The following STK3 variants were observed in gnomAD, a reference collection of about 807,000 sequenced individuals.
The protein encoded by STK3 is serine/threonine-protein kinase 3.
Under a neutral mutation model 58.0 loss-of-function variants are expected in STK3, and 41 were observed. The observed-to-expected ratio is 0.71, with a 90% CI of 0.55 to 0.92. STK3 has a LOEUF of 0.92. Ranked by LOEUF, STK3 falls within the 40% of genes least tolerant of loss-of-function variation. The probability of loss-of-function intolerance (pLI) is 0.00; values close to 1 mark genes in which losing one functional copy is unlikely to be tolerated. For synonymous variants in STK3, 170 were observed against 191.0 expected, an observed-to-expected ratio of 0.89 and a Z score of 0.91; for missense variants, 479 against 602.7, an observed-to-expected ratio of 0.79 and a Z score of 2.15.
chr8:98,530,801 A>G (rs1180849272), intron 9 of STK3, among the ~76,000 whole-genome samples: 1 of 152,192 alleles, frequency 6.6e-6, no homozygotes, highest in Non-Finnish European at 1.5e-5. Flanking sequence ...GTTTATGGAA[A>G]ATTCTAAGTC....
downstream of STK3, among the ~76,000 whole-genome samples, chr8:98,397,455 G>A (rs1817906070): frequency 6.6e-6 from 1 of 152,110 alleles, no homozygotes; most frequent in African/African-American, 2.4e-5. Flanking sequence ...AGGATCACTT[G>A]AGCCCAGGAG....
downstream of STK3, among the ~76,000 whole-genome samples, chr8:98,366,398 T>C (rs566339921): frequency 2.2e-4 from 34 of 152,362 alleles, no homozygotes; most frequent in Non-Finnish European, 3.8e-4. Flanking sequence ...TGTTTTTTAC[T>C]TTTCCAGAAG....
chr8:98,355,473 C>A, the STK3 span, among the ~76,000 whole-genome samples: 16 of 152,164 alleles, frequency 1.1e-4, 1 homozygote, highest in Admixed American at 1.0e-3. Context: ...TTCCTCTGAT[C>A]CAATAAACTG....
chr8:98,373,771 C>A (rs1181235922), intron 2 of STK3, among the ~76,000 whole-genome samples: 1 of 152,204 alleles, frequency 6.6e-6, no homozygotes, highest in Non-Finnish European at 1.5e-5. Context: ...ATAACTTATC[C>A]TGTCATCCTT....
At chr8:98,744,090 G>A (rs1229989719) in intron 4 of STK3, among the ~76,000 whole-genome samples, 1 of 152,096 alleles carries the variant, frequency 6.6e-6, no homozygotes, top group Non-Finnish European at 1.5e-5. Context: ...AACAGGTGCT[G>A]GAGAGGATGT....
chr8:98,635,535 C>A (rs925364454), intron 6 of STK3, among the ~76,000 whole-genome samples: 2 of 152,142 alleles, frequency 1.3e-5, no homozygotes, highest in African/African-American at 4.8e-5. Context: ...TCAAGTTATA[C>A]TACCTCTTTT....
At chr8:98,534,506 T>C (rs1190511159) in intron 9 of STK3, among the ~76,000 whole-genome samples, 1 of 152,110 alleles carries the variant, frequency 6.6e-6, no homozygotes, top group Non-Finnish European at 1.5e-5. Context: ...GAAGAGAAGG[T>C]GTAATATTTC....
chr8:98,685,402 CA>C (rs906937815), intron 6 of STK3, among the ~76,000 whole-genome samples: 1 of 152,166 alleles, frequency 6.6e-6, no homozygotes, highest in African/African-American at 2.4e-5. Flanking sequence ...GTGTAAGTAT[CA>C]GGGGTGACCC....
chr8:98,587,515 A>C (rs1247503301), intron 7 of STK3, among the ~76,000 whole-genome samples: 5 of 152,064 alleles, frequency 3.3e-5, no homozygotes, highest in Non-Finnish European at 7.4e-5. Flanking sequence ...GATTTACTTC[A>C]AAGTATGTGG....
downstream of STK3, chr8:98,883,750 G>GTA: frequency 1.4e-6 from 1 of 702,846 alleles, no homozygotes; most frequent in Non-Finnish European, 2.6e-6. Flanking sequence ...TCCATGAGTT[G>GTA]TAACATTTCC....
intron 1 of STK3, among the ~76,000 whole-genome samples, chr8:98,810,708 T>C (rs947516208): frequency 1.3e-5 from 2 of 152,202 alleles, no homozygotes; most frequent in African/African-American, 4.8e-5. Context: ...TAATTGGTGA[T>C]ATAGTTTGCA....
chr8:98,686,182 A>C (rs1373242361), intron 6 of STK3, among the ~76,000 whole-genome samples: 1 of 152,154 alleles, frequency 6.6e-6, no homozygotes, highest in Non-Finnish European at 1.5e-5. Context: ...CTAACAGCTC[A>C]AGTGGTACCT....
rs7825755 is a variant in STK3 at position 98,649,542 on chromosome 8, C to T, written c.685-53373G>A. ...TTTTCTTTCAGATGAACAGATAATT[C>T]CAAATGCATGATTATCATTTTCCCA... On this transcript the variant is annotated intron_variant, in intron 6 of 10. Coordinates refer to ENST00000419617, the MANE Select transcript of STK3 (RefSeq NM_006281.4). Among the ~76,000 whole-genome samples, 672 of 152,214 alleles carry T rather than the reference C, an allele frequency of 4.4e-3. 6 individuals carry two copies. Among genetic ancestry groups the T allele is most frequent in the African/African-American group, 0.015 (618 of 41,528 alleles).
intron 1 of STK3, among the ~76,000 whole-genome samples, chr8:98,917,213 C>A (rs1839377181): frequency 6.6e-6 from 1 of 152,178 alleles, no homozygotes; most frequent in South Asian, 2.1e-4. Flanking sequence ...CCTTGACACA[C>A]AATAGGCACT....
At chr8:98,829,818 G>A (rs1207983278), upstream of STK3, among the ~76,000 whole-genome samples, 1 of 152,128 alleles carries the variant, frequency 6.6e-6, no homozygotes, top group East Asian at 1.9e-4. Flanking sequence ...CTGCCTTCAG[G>A]GGATTTACAT....
chr8:98,678,382 A>T (rs1395278387), intron 6 of STK3, among the ~76,000 whole-genome samples: 2 of 152,132 alleles, frequency 1.3e-5, no homozygotes, highest in African/African-American at 4.8e-5. Context: ...TTAAATTCTT[A>T]AAAAGTATAA....
chr8:98,353,970 G>C, the STK3 span, among the ~76,000 whole-genome samples: 1 of 152,074 alleles, frequency 6.6e-6, no homozygotes, highest in Non-Finnish European at 1.5e-5. Context: ...TTAAAAAAAA[G>C]AACTCATAGA....
At chr8:98,590,458 C>T (rs943278686) in intron 7 of STK3, among the ~76,000 whole-genome samples, 10 of 152,170 alleles carry the variant, frequency 6.6e-5, no homozygotes, top group Admixed American at 1.3e-4. Context: ...GCCAGAGTTC[C>T]AGGGGCTCTG....
At chr8:98,457,540 T>G (rs1819593024) in intron 10 of STK3, among the ~76,000 whole-genome samples, 1 of 152,192 alleles carries the variant, frequency 6.6e-6, no homozygotes, top group Non-Finnish European at 1.5e-5. Flanking sequence ...ACAACACAAT[T>G]TAGTATTTGA....
Sources: allele counts gnomAD v4.1 joint callset (sites outside exome capture counted in the v4.1 genomes callset), GRCh38; gene constraint gnomAD v4.1.1; transcripts MANE v1.5; gene names NCBI Gene and HGNC (gene_info 2026-07-23, HGNC 2026-07-21).